The following RGS7 variants were observed in gnomAD, a reference collection of about 807,000 sequenced individuals.
RGS7 encodes the protein regulator of G-protein signaling 7.
In RGS7, 27 loss-of-function variants were observed where a neutral mutation model predicts 81.1. The ratio of observed to expected loss-of-function variants is 0.33; its 90% CI spans 0.25 to 0.46. The LOEUF is 0.46. Among genes scored for constraint, RGS7 ranks in the 20% least tolerant of loss-of-function variants. RGS7 has a pLI of 1.00. For missense variants in RGS7, 396 were observed against 607.4 expected, an observed-to-expected ratio of 0.65 and a Z score of 3.66; for synonymous variants, 208 against 207.7, an observed-to-expected ratio of 1.00 and a Z score of -0.01.
At chr1:241,274,758 T>C (rs2078101286) in intron 2 of RGS7, among the ~76,000 whole-genome samples, 1 of 152,220 alleles carries the variant, frequency 6.6e-6, no homozygotes, top group Non-Finnish European at 1.5e-5. Flanking sequence ...AAATGCCCTG[T>C]GGTTACACTC....
chr1:240,796,626 C>T (rs369838205), intron 18 of RGS7, among the ~76,000 whole-genome samples: 1 of 152,180 alleles, frequency 6.6e-6, no homozygotes. Flanking sequence ...GTAGAGGTTG[C>T]AGTGAGCCGA....
At chr1:241,065,673 T>G (rs1321262868) in intron 3 of RGS7, among the ~76,000 whole-genome samples, 1 of 152,238 alleles carries the variant, frequency 6.6e-6, no homozygotes, top group East Asian at 1.9e-4. Context: ...TTATGGTTAT[T>G]CTTAAAAACA....
At chr1:240,951,218 C>G (rs76741244) in intron 4 of RGS7, among the ~76,000 whole-genome samples, 1 of 152,090 alleles carries the variant, frequency 6.6e-6, no homozygotes, top group Non-Finnish European at 1.5e-5. Flanking sequence ...CCCTACCCAG[C>G]CATGTTCAGC....
rs1663799274 is a variant in RGS7, at chr1:240,868,172, A to C, written c.609+415T>G. ...AAAGAAAGAAAGGACGGAGGGAGGG[A>C]AGGACGAAGGAAGGAAGGAAGGAAC... On this transcript the variant is annotated intron_variant, in intron 9 of 18. Coordinates refer to ENST00000440928, the MANE Select transcript of RGS7 (RefSeq NM_001364886.1). This position sits in a 1 kb window ranked among gnomAD's most constrained non-coding sequence, Gnocchi z 5.1. Among the ~76,000 whole-genome samples the C allele has an allele frequency of 6.6e-6, 1 of 151,258 alleles. No homozygotes were observed.
At chr1:240,966,008 C>A (rs897607546) in intron 4 of RGS7, among the ~76,000 whole-genome samples, 1 of 152,070 alleles carries the variant, frequency 6.6e-6, no homozygotes, top group African/African-American at 2.4e-5. Flanking sequence ...TGCTTAATAG[C>A]TCTTCGTCGT....
intron 5 of RGS7, among the ~76,000 whole-genome samples, chr1:240,932,884 T>C (rs1052488811): frequency 6.2e-5 from 7 of 113,808 alleles, no homozygotes; most frequent in South Asian, 3.3e-4. Flanking sequence ...TTCTTTTTTT[T>C]TTTTTTTTTT....
chr1:241,325,924 C>CT (rs1283346738), intron 2 of RGS7, among the ~76,000 whole-genome samples: 4 of 151,898 alleles, frequency 2.6e-5, no homozygotes, highest in East Asian at 1.9e-4. Context: ...TACATTTTTT[C>CT]TTTTTTTTCA....
At chr1:240,811,496 A>G (rs1689847158) in intron 14 of RGS7, among the ~76,000 whole-genome samples, 1 of 152,250 alleles carries the variant, frequency 6.6e-6, no homozygotes, top group South Asian at 2.1e-4. Flanking sequence ...GTTATTTGAT[A>G]TAGCTGCCCA....
chr1:241,175,827 A>G (rs2103281356), intron 2 of RGS7, among the ~76,000 whole-genome samples: 1 of 152,316 alleles, frequency 6.6e-6, no homozygotes, highest in Admixed American at 6.5e-5. Flanking sequence ...GAACAGCTAC[A>G]ATCAAACACA....
chr1:241,234,739 A>G (rs990216809), intron 2 of RGS7, among the ~76,000 whole-genome samples: 1 of 152,126 alleles, frequency 6.6e-6, no homozygotes, highest in Non-Finnish European at 1.5e-5. Context: ...TGCCAGACTT[A>G]GTCGAAAGAG....
At chr1:240,982,965 A>G in intron 4 of RGS7, 114 bp downstream of exon 4, 1 of 647,142 alleles carries the variant, frequency 1.5e-6, no homozygotes, top group South Asian at 1.8e-5. Flanking sequence ...TTCAAACTGA[A>G]TTATAATTTT....
chr1:241,055,099 A>G (rs1396014050), intron 3 of RGS7, among the ~76,000 whole-genome samples: 1 of 152,076 alleles, frequency 6.6e-6, no homozygotes, highest in East Asian at 1.9e-4. Flanking sequence ...GATGCTTTTT[A>G]ATTTTAAATA....
At chr1:241,312,659 G>A (rs900351039) in intron 2 of RGS7, among the ~76,000 whole-genome samples, 2 of 152,096 alleles carry the variant, frequency 1.3e-5, no homozygotes, top group Admixed American at 6.6e-5. Context: ...GTTGCCCTGT[G>A]TCTCTCCCAC....
intron 2 of RGS7, among the ~76,000 whole-genome samples, chr1:241,174,907 T>G (rs1435355411): frequency 3.6e-5 from 5 of 139,258 alleles, no homozygotes; most frequent in African/African-American, 5.4e-5. Flanking sequence ...TTTTTTTTTT[T>G]TTTTTTTTTT....
Position 240,827,271 on chromosome 1 carries a change from C to T in RGS7, c.610-99G>A, listed in dbSNP as rs115044318. On this transcript the variant is annotated intron_variant, in intron 9 of 18. Transcript: ENST00000440928. ...TCGCTCTCCAGAGCCCGAGCAAATG[C>T]CCCAATGACACAAATCAAGGGAGGT... The T allele has an allele frequency of 4.6e-3, 4,228 of 911,518 alleles. 87 individuals are homozygous for T. The African/African-American group carries it at 0.058, about 13-fold the overall frequency. The allele number at this position is 911,518 out of a possible 1,614,324, so 56.5% of individuals were successfully genotyped here.
intron 3 of RGS7, among the ~76,000 whole-genome samples, chr1:240,992,631 GAA>G (rs1299567843): frequency 1.3e-5 from 2 of 152,122 alleles, no homozygotes; most frequent in Non-Finnish European, 2.9e-5. Context: ...GGCCCAGATT[GAA>G]AAGAGTGAAT....
intron 9 of RGS7, among the ~76,000 whole-genome samples, chr1:240,861,512 C>A (rs1319015862): frequency 6.6e-6 from 1 of 152,174 alleles, no homozygotes; most frequent in Non-Finnish European, 1.5e-5. Flanking sequence ...TTATCATTTG[C>A]ATCATTAGAA....
chr1:240,940,963 T>C (rs538427369), intron 4 of RGS7, among the ~76,000 whole-genome samples: 3 of 152,346 alleles, frequency 2.0e-5, no homozygotes, highest in Admixed American at 6.5e-5. Context: ...CAAATGAGTA[T>C]GAGTGAATTA....
intron 2 of RGS7, among the ~76,000 whole-genome samples, chr1:241,145,838 A>T (rs967725142): frequency 7.9e-5 from 12 of 152,310 alleles, no homozygotes; most frequent in Admixed American, 7.8e-4. Flanking sequence ...AACAGTTCTG[A>T]TGGTGATGTT....
Sources: gnomAD v4.1 joint callset for allele counts (sites outside exome capture counted in the v4.1 genomes callset) on GRCh38, gnomAD v4.1.1 for gene constraint, Gnocchi (gnomAD v3.1) non-coding constraint, MANE v1.5 for transcripts, NCBI Gene and HGNC (gene_info 2026-07-23, HGNC 2026-07-21) for gene names.